Variants in RBFOX1 observed in about 807,000 individuals in gnomAD.
The protein encoded by RBFOX1 is RNA binding protein fox-1 homolog 1.
A neutral mutation model predicts 57.7 loss-of-function variants in RBFOX1; 8 were observed. The observed-to-expected ratio is 0.14, with a 90% CI of 0.08 to 0.25. The LOEUF (loss-of-function observed/expected upper bound fraction) is 0.25, where lower values mean the gene tolerates loss of function less well. Among genes scored for constraint, RBFOX1 ranks in the 10% least tolerant of loss-of-function variants. The pLI is 1.00. For missense variants in RBFOX1, 611 were observed against 548.5 expected, an observed-to-expected ratio of 1.11 and a Z score of -1.14; for synonymous variants, 326 against 222.4, an observed-to-expected ratio of 1.47 and a Z score of -4.15.
intron 3 of RBFOX1, among the ~76,000 whole-genome samples, chr16:6,861,278 A>T (rs2058943318): frequency 6.6e-6 from 1 of 152,190 alleles, no homozygotes; most frequent in South Asian, 2.1e-4. Context: ...TCTTTGCAAA[A>T]GGGTTTTATA....
At chr16:6,186,082 A>G (rs1399546305) in intron 1 of RBFOX1, among the ~76,000 whole-genome samples, 1 of 152,138 alleles carries the variant, frequency 6.6e-6, no homozygotes, top group African/African-American at 2.4e-5. Context: ...GATTTGAAAA[A>G]TATTTTTTTC....
intron 3 of RBFOX1, among the ~76,000 whole-genome samples, chr16:6,900,974 C>T (rs1362326901): frequency 6.6e-6 from 1 of 152,090 alleles, no homozygotes; most frequent in South Asian, 2.1e-4. Flanking sequence ...TAAGATGTTC[C>T]CATAACGTTC....
At chr16:5,972,969 G>A (rs775353314) in intron 4 of RBFOX1, among the ~76,000 whole-genome samples, 16 of 152,134 alleles carry the variant, frequency 1.1e-4, no homozygotes, top group Admixed American at 4.6e-4. Context: ...GTTGAGTCCC[G>A]TATAGCTACA....
intron 3 of RBFOX1, among the ~76,000 whole-genome samples, chr16:6,975,081 G>A (rs963667711): frequency 4.6e-5 from 7 of 152,146 alleles, no homozygotes; most frequent in African/African-American, 1.7e-4. Context: ...TAAAGAGGAC[G>A]GGAAAACCTC....
chr16:7,162,383 T>G (rs1049783429), intron 4 of RBFOX1, among the ~76,000 whole-genome samples: 17 of 152,032 alleles, frequency 1.1e-4, no homozygotes, highest in Non-Finnish European at 2.2e-4. Context: ...ATTCTATAAA[T>G]ATAATTTAGC....
At chr16:5,719,772 G>A (rs2051859137) in intron 3 of RBFOX1, among the ~76,000 whole-genome samples, 1 of 152,042 alleles carries the variant, frequency 6.6e-6, no homozygotes, top group Non-Finnish European at 1.5e-5. Context: ...ATAATCCATT[G>A]TATGGATAGA....
At chr16:7,079,528 T>C (rs1467505653) in intron 4 of RBFOX1, among the ~76,000 whole-genome samples, 1 of 152,218 alleles carries the variant, frequency 6.6e-6, no homozygotes, top group Admixed American at 6.5e-5. Flanking sequence ...GTTCAGATTG[T>C]AAATTCTTGG....
intron 3 of RBFOX1, among the ~76,000 whole-genome samples, chr16:7,035,630 C>G (rs1044389073): frequency 6.6e-6 from 1 of 152,090 alleles, no homozygotes; most frequent in Non-Finnish European, 1.5e-5. Context: ...CTGAAGAGCT[C>G]TCTGAGCTCG....
At chr16:7,055,523 C>G (rs1385147104) in intron 4 of RBFOX1, among the ~76,000 whole-genome samples, 1 of 152,168 alleles carries the variant, frequency 6.6e-6, no homozygotes, top group Admixed American at 6.5e-5. Context: ...GGGCAGCACT[C>G]TCATCAGAAG....
chr16:5,488,474 T>C (rs372711627), intron 2 of RBFOX1, among the ~76,000 whole-genome samples: 1,662 of 111,752 alleles, frequency 0.015, no homozygotes, highest in African/African-American at 0.073. Context: ...TGTGGTGGGG[T>C]GTGATGGTGA....
At chr16:6,329,478 A>G (rs771078599) in intron 2 of RBFOX1, among the ~76,000 whole-genome samples, 2 of 152,186 alleles carry the variant, frequency 1.3e-5, no homozygotes, top group Non-Finnish European at 2.9e-5. Flanking sequence ...AACTCTTTCT[A>G]TATGCAGAAC....
At chr16:6,627,950 C>G (rs1198471639) in intron 2 of RBFOX1, among the ~76,000 whole-genome samples, 1 of 152,182 alleles carries the variant, frequency 6.6e-6, no homozygotes, top group Non-Finnish European at 1.5e-5. Flanking sequence ...TGTTCAAGGC[C>G]CACTCTCAGC....
At chr16:6,182,785 C>T (rs535480929) in intron 1 of RBFOX1, among the ~76,000 whole-genome samples, 2 of 152,276 alleles carry the variant, frequency 1.3e-5, no homozygotes, top group South Asian at 2.1e-4. Context: ...CTTACTGAAA[C>T]ATATGTGAAT....
intron 1 of RBFOX1, among the ~76,000 whole-genome samples, chr16:6,112,171 T>A (rs1163740066): frequency 7.2e-5 from 11 of 152,308 alleles, no homozygotes; most frequent in African/African-American, 2.6e-4. Context: ...TTCATTGTTA[T>A]GAAGAAGGTA....
At chr16:7,488,741 C>G (rs2066113136) in intron 4 of RBFOX1, among the ~76,000 whole-genome samples, 1 of 152,078 alleles carries the variant, frequency 6.6e-6, no homozygotes, top group East Asian at 1.9e-4. Flanking sequence ...ATCCACCTAT[C>G]TACTATCTAC....
chr16:5,260,889 TTC>T (rs2062715792), intron 1 of RBFOX1: 1 of 152,218 alleles, frequency 6.6e-6, no homozygotes, highest in Non-Finnish European at 1.5e-5. Flanking sequence ...TCAAAATGGG[TTC>T]TGAGTCCAAA....
chr16:6,835,252 G>T (rs560037842), intron 3 of RBFOX1, among the ~76,000 whole-genome samples: 1 of 152,090 alleles, frequency 6.6e-6, no homozygotes, highest in Non-Finnish European at 1.5e-5. Flanking sequence ...TGTGGACTAA[G>T]ATCCACAAAC....
chr16:7,689,978 G>A (rs1415182913), intron 14 of RBFOX1, among the ~76,000 whole-genome samples: 1 of 152,042 alleles, frequency 6.6e-6, no homozygotes, highest in Non-Finnish European at 1.5e-5. Context: ...AGGCAAGCAT[G>A]GTGGCCAAAC....
intron 3 of RBFOX1, among the ~76,000 whole-genome samples, chr16:7,035,797 T>C (rs369935175): frequency 1.3e-5 from 2 of 152,080 alleles, no homozygotes; most frequent in African/African-American, 4.8e-5. Context: ...ATTCCTTAAG[T>C]TGGGGGTTTT....
Sources: allele counts gnomAD v4.1 joint callset (sites outside exome capture counted in the v4.1 genomes callset), GRCh38; gene constraint gnomAD v4.1.1; transcripts MANE v1.5; gene names NCBI Gene and HGNC (gene_info 2026-07-23, HGNC 2026-07-21).